GALNT2: variants seen among roughly 807,000 people sequenced by gnomAD.
GALNT2 encodes UDP-GalNAc:polypeptide N-acetylgalactosaminyltransferase 2.
Under a neutral mutation model 81.4 loss-of-function variants are expected in GALNT2, and 31 were observed. That is an observed-to-expected ratio of 0.38 (90% CI 0.29 to 0.51). GALNT2 has a LOEUF of 0.51. Among genes scored for constraint, GALNT2 ranks in the 20% least tolerant of loss-of-function variants. The pLI is 0.87. For missense variants in GALNT2, 629 were observed against 765.7 expected, an observed-to-expected ratio of 0.82 and a Z score of 2.11; for synonymous variants, 303 against 287.4, an observed-to-expected ratio of 1.05 and a Z score of -0.55.
At chr1:230,195,185 A>G (rs1354864811) in intron 2 of GALNT2, among the ~76,000 whole-genome samples, 3 of 152,302 alleles carry the variant, frequency 2.0e-5, no homozygotes, top group Admixed American at 2.0e-4. Flanking sequence ...AGAGGTGGCT[A>G]TAATTTCTGG....
intron 7 of GALNT2, 27 bp from the exon 8 acceptor site, chr1:230,246,036 A>T (rs748601880): frequency 6.3e-7 from 1 of 1,589,644 alleles, no homozygotes; most frequent in South Asian, 1.1e-5. Flanking sequence ...TGGGATTTTG[A>T]TAACTACTCC....
upstream of GALNT2, among the ~76,000 whole-genome samples, chr1:230,066,888 C>A (rs1571920124): frequency 1.3e-5 from 2 of 150,484 alleles, no homozygotes; most frequent in South Asian, 4.2e-4. Context: ...GGGGGGAGCA[C>A]GCTGAGGGGC....
intron 2 of GALNT2, among the ~76,000 whole-genome samples, chr1:230,194,877 AG>A (rs1262683415): frequency 1.3e-5 from 2 of 152,120 alleles, no homozygotes; most frequent in African/African-American, 4.8e-5. Context: ...GTGCGTGCGG[AG>A]GGGTCAGTGC....
intron 3 of GALNT2, among the ~76,000 whole-genome samples, chr1:230,210,072 G>C (rs1435910493): frequency 6.6e-6 from 1 of 152,224 alleles, no homozygotes; most frequent in Non-Finnish European, 1.5e-5. Context: ...TTTAGAGTGT[G>C]CTGCGCTTAG....
At chr1:230,267,227 G>A (rs1441961585) in intron 14 of GALNT2, among the ~76,000 whole-genome samples, 1 of 152,226 alleles carries the variant, frequency 6.6e-6, no homozygotes, top group Non-Finnish European at 1.5e-5. Context: ...GATAAATATT[G>A]TTGGAGGGTT....
At position 230,078,076 on chromosome 1, in the gene GALNT2, C is replaced by T. The variant is rs112535056; in HGVS notation, c.126+10670C>T. Among the ~76,000 whole-genome samples, 1,479 of 152,274 alleles carry T rather than the reference C, an allele frequency of 9.7e-3. 22 individuals are homozygous for T. The highest frequency in any genetic ancestry group is 0.03 in the African/African-American group (1,230 of 41,544). ...CATTGATTGTGAGCTGCATTCCAGTCGGGGGTGGTGGAGGAAAGGGCATCT... is the reference window on the plus strand; with the variant it reads ...CATTGATTGTGAGCTGCATTCCAGTTGGGGGTGGTGGAGGAAAGGGCATCT... On this transcript the variant is annotated intron_variant, in intron 1 of 15. Coordinates refer to ENST00000366672, the MANE Select transcript of GALNT2 (RefSeq NM_004481.5).
intron 1 of GALNT2, chr1:230,092,082 C>G (rs887913024): frequency 6.6e-6 from 1 of 151,888 alleles, no homozygotes; most frequent in Non-Finnish European, 1.5e-5. Flanking sequence ...ATACATCTGA[C>G]TTTCAACATT....
At chr1:230,108,542 T>C (rs536861041) in intron 1 of GALNT2, among the ~76,000 whole-genome samples, 2 of 152,340 alleles carry the variant, frequency 1.3e-5, no homozygotes, top group South Asian at 4.1e-4. Flanking sequence ...AGGATGAGAT[T>C]TATGCACAGA....
chr1:230,236,223 C>A, intron 4 of GALNT2, 111 bp downstream of exon 4: 1 of 1,362,116 alleles, frequency 7.3e-7, no homozygotes, highest in Non-Finnish European at 1.0e-6. Context: ...CTCCTGACTG[C>A]TCAGCACAGG....
At chr1:230,210,224 A>G (rs1022647516) in intron 3 of GALNT2, among the ~76,000 whole-genome samples, 5 of 152,222 alleles carry the variant, frequency 3.3e-5, no homozygotes, top group Non-Finnish European at 7.3e-5. Context: ...CTTTCTCTCT[A>G]CTAGGGAAAA....
At chr1:230,111,501 C>T (rs993687838) in intron 1 of GALNT2, among the ~76,000 whole-genome samples, 6 of 152,250 alleles carry the variant, frequency 3.9e-5, no homozygotes, top group Admixed American at 1.3e-4. Flanking sequence ...AAAGCATGGT[C>T]TGAGAAAGCA....
rs540976654 is a variant in GALNT2, at chr1:230,239,999, A to G, written c.607+3274A>G. ...TCGTTATCATGCTTTTCTTCTACAT[A>G]CATCTTAAACCCCACAATACACTGT... On this transcript the variant is annotated intron_variant, in intron 6 of 15. Transcript: ENST00000366672. 3.0e-4 allele frequency among the ~76,000 whole-genome samples: 45 copies of G among 152,336 alleles called. No individual in the cohort carries two copies. The South Asian group carries it at 8.9e-3, about 30-fold the overall frequency.
intron 1 of GALNT2, among the ~76,000 whole-genome samples, chr1:230,060,229 A>C (rs574706758): frequency 6.6e-6 from 1 of 152,150 alleles, no homozygotes; most frequent in African/African-American, 2.4e-5. Context: ...ATTTATTCAC[A>C]TCCTTGGCCA....
intron 2 of GALNT2, among the ~76,000 whole-genome samples, chr1:230,192,494 A>T (rs1010563699): frequency 1.3e-5 from 2 of 152,240 alleles, no homozygotes; most frequent in Non-Finnish European, 2.9e-5. Context: ...ACTGATATTT[A>T]GGATGAAAAA....
At chr1:230,235,696 A>G (rs1431377257) in intron 3 of GALNT2, among the ~76,000 whole-genome samples, 1 of 152,158 alleles carries the variant, frequency 6.6e-6, no homozygotes, top group South Asian at 2.1e-4. Context: ...GCATCTCTAG[A>G]GGTGTATCTG....
chr1:230,209,657 C>G (rs1664173101), intron 3 of GALNT2, among the ~76,000 whole-genome samples: 2 of 152,176 alleles, frequency 1.3e-5, no homozygotes, highest in Non-Finnish European at 2.9e-5. Context: ...GCCTGGGCAA[C>G]ATAGCGAAAC....
intron 2 of GALNT2, among the ~76,000 whole-genome samples, chr1:230,186,711 G>A (rs954295534): frequency 5.9e-5 from 9 of 152,196 alleles, no homozygotes; most frequent in African/African-American, 2.2e-4. Context: ...CATTGACTCT[G>A]CCTTTCATAT....
At chr1:230,245,354 C>T (rs1665333480) in intron 7 of GALNT2, among the ~76,000 whole-genome samples, 1 of 151,902 alleles carries the variant, frequency 6.6e-6, no homozygotes, top group Non-Finnish European at 1.5e-5. Context: ...ATCCCAGCTG[C>T]TTGGGAGGCT....
At chr1:230,169,932 A>G (rs1266190929) in intron 1 of GALNT2, among the ~76,000 whole-genome samples, 1 of 152,230 alleles carries the variant, frequency 6.6e-6, no homozygotes, top group African/African-American at 2.4e-5. Flanking sequence ...CTGGAAATGC[A>G]TGGATGAAGC....
Sources: allele counts gnomAD v4.1 joint callset (sites outside exome capture counted in the v4.1 genomes callset), GRCh38; gene constraint gnomAD v4.1.1; transcripts MANE v1.5; gene names NCBI Gene and HGNC (gene_info 2026-07-23, HGNC 2026-07-21).